Variants in TYW1 observed in about 807,000 individuals in gnomAD.
TYW1 encodes tRNA-yW synthesizing protein 1 homolog.
In TYW1, 46 loss-of-function variants were observed where a neutral mutation model predicts 96.2. That is an observed-to-expected ratio of 0.48 (90% CI 0.38 to 0.61). TYW1 has a LOEUF of 0.61. Ranked by LOEUF, TYW1 falls within the 20% of genes least tolerant of loss-of-function variation. The pLI is 0.00. For synonymous variants in TYW1, 274 were observed against 323.0 expected (o/e 0.85, Z 1.63); for missense variants, 684 against 909.6 (o/e 0.75, Z 3.19).
At chr7:67,093,989 C>T (rs373970868) in intron 11 of TYW1, among the ~76,000 whole-genome samples, 4 of 152,194 alleles carry the variant, frequency 2.6e-5, no homozygotes, top group African/African-American at 9.7e-5. Context: ...AATTTTTCAA[C>T]TCTCACCCCG....
chr7:67,216,539 T>G (rs993342469), intron 15 of TYW1, among the ~76,000 whole-genome samples: 2 of 146,702 alleles, frequency 1.4e-5, no homozygotes, highest in Admixed American at 6.8e-5. Context: ...GCATTTGGAA[T>G]TTTTGCTTAT....
intron 7 of TYW1, among the ~76,000 whole-genome samples, chr7:67,049,573 G>A (rs901024314): frequency 7.9e-5 from 12 of 151,966 alleles, no homozygotes; most frequent in African/African-American, 2.7e-4. Flanking sequence ...TTGAGATGGA[G>A]TCTTTCTCTG....
chr7:67,003,069 C>T (rs1260827961), intron 3 of TYW1, among the ~76,000 whole-genome samples: 1 of 151,878 alleles, frequency 6.6e-6, no homozygotes, highest in African/African-American at 2.4e-5. Context: ...CGCGCCTGGC[C>T]CTAAATTTCT....
At chr7:67,065,077 A>G (rs1464348609) in intron 9 of TYW1, among the ~76,000 whole-genome samples, 1 of 152,120 alleles carries the variant, frequency 6.6e-6, no homozygotes, top group Non-Finnish European at 1.5e-5. Flanking sequence ...TCAGTATTGG[A>G]TTTGGACCGC....
At chr7:67,127,030 T>C (rs1408397139) in intron 13 of TYW1, among the ~76,000 whole-genome samples, 1 of 151,658 alleles carries the variant, frequency 6.6e-6, no homozygotes, top group African/African-American at 2.4e-5. Flanking sequence ...TTAATCATAC[T>C]TCACTTGTTG....
chr7:67,157,102 G>T (rs1252099417), intron 13 of TYW1, among the ~76,000 whole-genome samples: 1 of 151,862 alleles, frequency 6.6e-6, no homozygotes, highest in African/African-American at 2.4e-5. Flanking sequence ...GAGGAGGTGA[G>T]TACCAAGCGC....
chr7:67,143,724 C>T (rs1159841122), intron 13 of TYW1, among the ~76,000 whole-genome samples: 1 of 152,192 alleles, frequency 6.6e-6, no homozygotes, highest in African/African-American at 2.4e-5. Flanking sequence ...CTACACTACT[C>T]CAAAAATGGG....
At chr7:67,114,108 G>A (rs894625325) in intron 12 of TYW1, among the ~76,000 whole-genome samples, 9 of 152,208 alleles carry the variant, frequency 5.9e-5, no homozygotes, top group African/African-American at 2.2e-4. Context: ...AGCTCGCTGA[G>A]TGGTAAATAA....
chr7:67,190,660 G>A (rs1013180416), intron 14 of TYW1, among the ~76,000 whole-genome samples: 16 of 152,234 alleles, frequency 1.1e-4, no homozygotes, highest in African/African-American at 2.4e-4. Context: ...CATTGTTAGC[G>A]CAAGCTACGG....
chr7:67,022,592 T>C (rs138331859), intron 6 of TYW1, among the ~76,000 whole-genome samples: 155 of 152,230 alleles, frequency 1.0e-3, no homozygotes, highest in Non-Finnish European at 1.8e-3. Context: ...GACAAACTGG[T>C]TGGGAGACAC....
chr7:67,069,592 C>T (rs138659364), intron 10 of TYW1, among the ~76,000 whole-genome samples: 36 of 152,058 alleles, frequency 2.4e-4, no homozygotes, highest in Admixed American at 1.6e-3. Flanking sequence ...TGCAAAAATT[C>T]GCCGGGCATG....
chr7:67,231,512 T>G (rs1801747329), intron 15 of TYW1, among the ~76,000 whole-genome samples: 1 of 152,236 alleles, frequency 6.6e-6, no homozygotes, highest in Non-Finnish European at 1.5e-5. Flanking sequence ...TTTGAGACCT[T>G]TAATGTCCAA....
At chr7:67,170,821 A>G (rs952173153) in intron 13 of TYW1, among the ~76,000 whole-genome samples, 10 of 152,202 alleles carry the variant, frequency 6.6e-5, no homozygotes, top group African/African-American at 2.4e-4. Flanking sequence ...ATATTTTAAT[A>G]TGATGTATTT....
chr7:67,195,132 G>C (rs1177082026), intron 14 of TYW1, 38 bp from the exon 15 acceptor site: 1 of 1,603,432 alleles, frequency 6.2e-7, no homozygotes. Context: ...ATGCAGGTAG[G>C]TCTGTAGTCA....
In TYW1 at chr7:67,074,071, C is replaced by CAA. The variant is rs756494903; in HGVS notation, c.1274+6684_1274+6685dup. Reference sequence around the variant, plus strand: ...CACTCTAACCTGGGCTACTCCATCTCAAAAAAAAAAAAAAAAAGAAATAAA... The same window carrying CAA: ...CACTCTAACCTGGGCTACTCCATCTCAAAAAAAAAAAAAAAAAAAGAAATAAA... On this transcript the variant is annotated intron_variant, in intron 10 of 15. Coordinates refer to ENST00000359626, the MANE Select transcript of TYW1 (RefSeq NM_018264.4). 2.1e-3 allele frequency among the ~76,000 whole-genome samples: 177 copies of CAA among 83,772 alleles called. 1 individual carries two copies. The highest frequency in any genetic ancestry group is 4.3e-3 in the South Asian group (10 of 2,320). The allele number at this position is 83,772 out of a possible 152,430, so 55.0% of individuals were successfully genotyped here. A position where few individuals can be genotyped will look rare whatever the true frequency, so the allele number is the denominator to read the frequency against.
intron 15 of TYW1, among the ~76,000 whole-genome samples, chr7:67,206,624 TAAATAA>T (rs1800809727): frequency 1.7e-5 from 1 of 60,114 alleles, no homozygotes. Flanking sequence ...GTCTCAAACA[TAAATAA>T]ATAAATAAAT....
chr7:67,123,582 G>A (rs1377297318), intron 13 of TYW1, among the ~76,000 whole-genome samples: 3 of 152,174 alleles, frequency 2.0e-5, no homozygotes, highest in Admixed American at 2.0e-4. Context: ...GAGAACATTG[G>A]GGAAGGAATA....
intron 15 of TYW1, among the ~76,000 whole-genome samples, chr7:67,229,441 A>G (rs1361362375): frequency 4.6e-5 from 7 of 152,018 alleles, no homozygotes; most frequent in Admixed American, 6.6e-5. Flanking sequence ...CAGGAGGCTG[A>G]GACAGGAGAA....
rs1054618694 is a variant in TYW1, at chr7:67,230,717, A to G, written c.1978-7591A>G. Among the ~76,000 whole-genome samples the G allele has an allele frequency of 9.4e-5, 13 of 138,856 alleles. No homozygotes were observed. The Admixed American group carries it at 1.0e-3, about 11-fold the overall frequency. 91.1% of individuals were successfully genotyped at this position (138,856 alleles called of 152,430 possible). A position where few individuals can be genotyped will look rare whatever the true frequency, so the allele number is the denominator to read the frequency against. Reference sequence around the variant, plus strand: ...CCCCAGGCTGGAGTGCAGTGGCGCGATCTCGGCTCACTGCAACCTCTACCT... The same window carrying G: ...CCCCAGGCTGGAGTGCAGTGGCGCGGTCTCGGCTCACTGCAACCTCTACCT... On this transcript the variant is annotated intron_variant, in intron 15 of 15. Transcript: ENST00000359626.
Sources: gnomAD v4.1 joint callset for allele counts (sites outside exome capture counted in the v4.1 genomes callset) on GRCh38, gnomAD v4.1.1 for gene constraint, MANE v1.5 for transcripts, NCBI Gene and HGNC (gene_info 2026-07-23, HGNC 2026-07-21) for gene names.